PTRH1: variants seen among roughly 807,000 people sequenced by gnomAD.
The protein encoded by PTRH1 is peptidyl-tRNA hydrolase.
In PTRH1, 13 loss-of-function variants were observed where a neutral mutation model predicts 15.7. The observed-to-expected ratio is 0.83, with a 90% CI of 0.54 to 1.31. The LOEUF is 1.31. PTRH1 is among the 40% of genes most tolerant of loss of function. PTRH1 has a pLI of 0.00. For missense variants in PTRH1, 319 were observed against 296.2 expected (o/e 1.08, Z -0.56); for synonymous variants, 139 against 136.7 (o/e 1.02, Z -0.12).
intron 1 of PTRH1, among the ~76,000 whole-genome samples, chr9:127,704,988 T>G (rs1842631797): frequency 6.6e-6 from 1 of 151,872 alleles, no homozygotes; most frequent in Non-Finnish European, 1.5e-5. Context: ...CCTTAAGTGA[T>G]CCTCCCACCT....
chr9:127,695,280 A>G (rs1183565150), intron 1 of PTRH1: 1 of 595,130 alleles, frequency 1.7e-6, no homozygotes, highest in South Asian at 2.1e-5. Flanking sequence ...GCATATGTCA[A>G]CATGAATAGA....
chr9:127,699,320 G>A (rs1192227506), intron 1 of PTRH1, among the ~76,000 whole-genome samples: 2 of 152,212 alleles, frequency 1.3e-5, no homozygotes, highest in Non-Finnish European at 2.9e-5. Flanking sequence ...CTCAACCAAC[G>A]CGGAACCGAC....
At chr9:127,709,768 A>G (rs1842721911), downstream of PTRH1, 1 of 1,477,054 alleles carries the variant, frequency 6.8e-7, no homozygotes, top group Non-Finnish European at 9.2e-7. The surrounding 1 kb of genome is among the most constrained non-coding windows in gnomAD (Gnocchi z 4.7). Flanking sequence ...CTCACCTGGG[A>G]AACAGGGATA....
At position 127,715,044 on chromosome 9, in the gene PTRH1, C is replaced by A; in HGVS notation, c.247G>T (p.Asp83Tyr). ...GGCCGGAGCAGGACCAGTTGGGCAT[C>A]CCCCAGCGGGGCCAGGGCGAGGTCG... is the stretch of plus-strand genomic sequence containing the variant. ...AADLALAPLG[D>Y]AQLVLLRPRR... Residue 83 changes from aspartate (D) to tyrosine (Y), a missense_variant, in exon 2 of 5, where the codon GAT becomes TAT. Coordinates refer to ENST00000543175, the MANE Select transcript of PTRH1 (RefSeq NM_001002913.3). The surrounding 1 kb of genome is among the most constrained non-coding windows in gnomAD (Gnocchi z 5.8). The A allele has an allele frequency of 1.3e-6, 2 of 1,524,644 alleles. No homozygotes were observed. The highest frequency in any genetic ancestry group is 1.2e-5 in the South Asian group (1 of 82,864). 94.4% of individuals were successfully genotyped at this position (1,524,644 alleles called of 1,614,324 possible).
At chr9:127,708,865 G>C (rs964319028), downstream of PTRH1, among the ~76,000 whole-genome samples, 3 of 152,256 alleles carry the variant, frequency 2.0e-5, no homozygotes, top group Admixed American at 6.5e-5. Context: ...GGAGATGCCA[G>C]GTACAAAGAC....
In PTRH1 at chr9:127,704,084, A is replaced by C. The variant is rs370207761; in HGVS notation, c.206-8943T>G. ...CTGCCTAGAGCATAACACCCCAGGT[A>C]AAACTTCCACGACACAGAGCTGGGG... is the stretch of plus-strand genomic sequence containing the variant. On this transcript the variant is annotated intron_variant, in intron 1 of 2. Transcript: ENST00000335223. Among the ~76,000 whole-genome samples, 29 of 152,376 alleles carry C rather than the reference A, an allele frequency of 1.9e-4. 1 individual carries two copies. The South Asian group carries it at 6.0e-3, about 32-fold the overall frequency.
At chr9:127,712,127 G>A, downstream of PTRH1, 1 of 1,573,562 alleles carries the variant, frequency 6.4e-7, no homozygotes, top group Non-Finnish European at 8.6e-7. Context: ...GAAATGGCAG[G>A]GCCCCTGGCC....
At chr9:127,708,466 G>C (rs984091783) in intron 1 of PTRH1, among the ~76,000 whole-genome samples, 2 of 152,076 alleles carry the variant, frequency 1.3e-5, no homozygotes, top group African/African-American at 4.8e-5. Flanking sequence ...GACAGATCGA[G>C]ACTCCATTTC....
At chr9:127,708,694 TAC>T (rs1456703875) in intron 1 of PTRH1, among the ~76,000 whole-genome samples, 1 of 152,128 alleles carries the variant, frequency 6.6e-6, no homozygotes, top group African/African-American at 2.4e-5. Context: ...GCCCTGGGAA[TAC>T]AGAGGTGGAG....
intron 1 of PTRH1, among the ~76,000 whole-genome samples, chr9:127,700,750 G>A (rs977542128): frequency 6.6e-6 from 1 of 152,172 alleles, no homozygotes. Context: ...GTTCTAGATG[G>A]CCTGGAGATA....
intron 1 of PTRH1, among the ~76,000 whole-genome samples, chr9:127,703,599 C>T (rs887336602): frequency 2.0e-5 from 3 of 152,220 alleles, no homozygotes; most frequent in African/African-American, 4.8e-5. Flanking sequence ...TGAGTCCCCT[C>T]GGCAGAGTGA....
Position 127,715,619 on chromosome 9 carries a change from C to G in PTRH1, c.21G>C (p.Leu7Phe). Reference sequence around the variant, plus strand: ...CTCTACTCAGCCGCTGTCCGGCGCCCAAAAAGCCGCCCGGCCTCATGCTGC... The same window carrying G: ...CTCTACTCAGCCGCTGTCCGGCGCCGAAAAAGCCGCCCGGCCTCATGCTGC... MRPGGFLGAGQRLSRAM... is the reference protein window; with the variant it reads MRPGGFFGAGQRLSRAM... Residue 7 changes from leucine to phenylalanine, a missense_variant, in exon 1 of 5, where the codon TTG (leucine) becomes TTC (phenylalanine). Physicochemically the swap from Leu to Phe is conservative, Grantham distance 22. Transcript: ENST00000543175. The surrounding 1 kb of genome is among the most constrained non-coding windows in gnomAD (Gnocchi z 5.8). The G allele has an allele frequency of 6.2e-7, 1 of 1,612,710 alleles. No homozygotes were observed. Among genetic ancestry groups the G allele is most frequent in the Non-Finnish European group, 8.5e-7 (1 of 1,179,946 alleles).
chr9:127,707,025 A>T, intron 1 of PTRH1: 1 of 1,613,300 alleles, frequency 6.2e-7, no homozygotes, highest in Non-Finnish European at 8.5e-7. Flanking sequence ...CCTGGTTGCC[A>T]TCAGCCATGG....
At chr9:127,709,835 G>A (rs1241923548), downstream of PTRH1, 7 of 1,027,590 alleles carry the variant, frequency 6.8e-6, no homozygotes, top group South Asian at 1.7e-5. This position sits in a 1 kb window ranked among gnomAD's most constrained non-coding sequence, Gnocchi z 4.7. Context: ...GCAATCCTAC[G>A]AAGCTGGAAA....
chr9:127,701,613 TA>T (rs1447750472), intron 1 of PTRH1, among the ~76,000 whole-genome samples: 2 of 152,190 alleles, frequency 1.3e-5, no homozygotes, highest in Admixed American at 1.3e-4. Flanking sequence ...TTGAAATCTT[TA>T]AAAATTGGCA....
At chr9:127,711,732 C>G (rs1842769420), downstream of PTRH1, 5 of 1,446,214 alleles carry the variant, frequency 3.5e-6, no homozygotes, top group Non-Finnish European at 4.7e-6. Context: ...ACTGGCCGCT[C>G]TGCATAGGGG....
rs143424597 is a variant in PTRH1, at chr9:127,705,643, G to C, written c.205+9792C>G. On this transcript the variant is annotated intron_variant, in intron 1 of 2. Transcript: ENST00000335223. The surrounding 1 kb of genome is among the most constrained non-coding windows in gnomAD (Gnocchi z 4.7). ...ATGGGGGAGGCACGGGGAGGCCCCC[G>C]GTCAACTGGGAGCACTGTGGGAATT... 9.3e-4 allele frequency among the ~76,000 whole-genome samples: 141 copies of C among 152,362 alleles called. 1 individual carries two copies. The highest frequency in any genetic ancestry group is 3.3e-3 in the African/African-American group (136 of 41,580).
chr9:127,695,140 G>C (rs1040805272), exon 2 of PTRH1: 1 of 694,820 alleles, frequency 1.4e-6, no homozygotes, highest in Non-Finnish European at 2.6e-6. Flanking sequence ...TCCAAGCCAA[G>C]CCTGGGGAGA....
At chr9:127,711,118 G>A (rs940420930), downstream of PTRH1, 1 of 1,356,750 alleles carries the variant, frequency 7.4e-7, no homozygotes, top group Non-Finnish European at 1.0e-6. Flanking sequence ...CCCAGGGAGA[G>A]AGCATGCTGG....
Sources: gnomAD v4.1 joint callset for allele counts (sites outside exome capture counted in the v4.1 genomes callset) on GRCh38, gnomAD v4.1.1 for gene constraint, Gnocchi (gnomAD v3.1) non-coding constraint, MANE v1.5 for transcripts, NCBI Gene and HGNC (gene_info 2026-07-23, HGNC 2026-07-21) for gene names.